NR1D2: variants seen among roughly 807,000 people sequenced by gnomAD.
NR1D2 encodes the protein V-erbA-related protein 1-related.
A neutral mutation model predicts 52.2 loss-of-function variants in NR1D2; 25 were observed. The ratio of observed to expected loss-of-function variants is 0.48; its 90% CI spans 0.35 to 0.67. NR1D2 has a LOEUF of 0.67. Ranked by LOEUF, NR1D2 falls within the 30% of genes least tolerant of loss-of-function variation. The pLI is 0.01. For synonymous variants in NR1D2, 259 were observed against 230.1 expected (o/e 1.13, Z -1.14); for missense variants, 681 against 707.2 (o/e 0.96, Z 0.42).
intron 1 of NR1D2, among the ~76,000 whole-genome samples, chr3:23,952,725 CAAA>C (rs35053426): frequency 3.4e-5 from 4 of 118,506 alleles, no homozygotes; most frequent in Admixed American, 8.7e-5. Context: ...GACTCCATCT[CAAA>C]AAAAAAAAAA....
chr3:23,962,725 C>A, intron 5 of NR1D2, 120 bp downstream of exon 5: 1 of 931,922 alleles, frequency 1.1e-6, no homozygotes, highest in Non-Finnish European at 1.6e-6. Flanking sequence ...AATTTACAGA[C>A]TTAATTTTGT....
chr3:23,963,920 T>G (rs1358751488), intron 5 of NR1D2, among the ~76,000 whole-genome samples: 1 of 7,874 alleles, frequency 1.3e-4, no homozygotes, highest in African/African-American at 2.5e-3. Context: ...CTTTTTGGTG[T>G]TTTTTTTTTT....
At chr3:23,952,557 A>AT (rs1705964481) in intron 1 of NR1D2, among the ~76,000 whole-genome samples, 1 of 151,706 alleles carries the variant, frequency 6.6e-6, no homozygotes, top group Non-Finnish European at 1.5e-5. Context: ...TAAAAAAAAA[A>AT]CAAAAACCAA....
chr3:23,971,660 CTT>C (rs933057258), intron 7 of NR1D2, among the ~76,000 whole-genome samples: 2 of 151,634 alleles, frequency 1.3e-5, no homozygotes, highest in African/African-American at 4.8e-5. Flanking sequence ...TTTTAATTTA[CTT>C]TAATGGTTTT....
chr3:23,958,265 C>T (rs3935253), intron 3 of NR1D2, among the ~76,000 whole-genome samples: 19,667 of 152,186 alleles, frequency 0.13, 1,788 homozygotes, highest in African/African-American at 0.24. Flanking sequence ...GGTAATGATC[C>T]TGGAAAGACC....
chr3:23,962,326 G>C lies in NR1D2; in HGVS notation c.867G>C (p.Lys289Asn), dbSNP rs1388074523. The C allele has an allele frequency of 1.2e-6, 2 of 1,614,172 alleles. No individual in the cohort carries two copies. The highest frequency in any genetic ancestry group is 8.5e-7 in the Non-Finnish European group (1 of 1,180,030). The part of the protein sequence containing the change: ...MQPQRGERIP[K>N]NMEQYNLNHD... The stretch of plus-strand genomic sequence containing the variant: ...CCCAGAGAGGAGAACGGATTCCCAA[G>C]AACATGGAGCAATATAATTTAAATC... The change falls in exon 5 of 8, where the codon AAG becomes AAC. Residue 289 changes from lysine to asparagine, a missense_variant. Lys to Asn is a moderately conservative substitution (Grantham distance 94). Transcript: ENST00000312521.
chr3:23,948,892 C>G (rs1705850502), intron 1 of NR1D2, among the ~76,000 whole-genome samples: 2 of 152,122 alleles, frequency 1.3e-5, no homozygotes. Context: ...GATCCCCACT[C>G]AATTTGCAGT....
chr3:23,951,311 A>G (rs769579220), intron 1 of NR1D2, among the ~76,000 whole-genome samples: 5 of 152,196 alleles, frequency 3.3e-5, no homozygotes, highest in Non-Finnish European at 7.3e-5. Context: ...TCCAAGGAAA[A>G]ACATCACTTT....
At chr3:23,966,432 C>T (rs574566667) in intron 6 of NR1D2, among the ~76,000 whole-genome samples, 1 of 152,342 alleles carries the variant, frequency 6.6e-6, no homozygotes, top group East Asian at 1.9e-4. Flanking sequence ...ACTTCATCTG[C>T]TTCCTTTGCC....
chr3:23,954,488 A>G, intron 1 of NR1D2, 49 bp from the exon 2 acceptor site: 2 of 1,506,776 alleles, frequency 1.3e-6, no homozygotes, highest in Non-Finnish European at 1.8e-6. Context: ...AAAATAAAAA[A>G]TACGTATTAT....
intron 7 of NR1D2, among the ~76,000 whole-genome samples, chr3:23,974,131 C>T (rs1046063565): frequency 9.2e-6 from 1 of 108,420 alleles, no homozygotes. Context: ...AAGGGACGGG[C>T]GAGGTGGCTC....
chr3:23,965,235 CTTTTTTT>C (rs371267256), intron 6 of NR1D2, 73 bp downstream of exon 6: 31 of 309,262 alleles, frequency 1.0e-4, no homozygotes, highest in African/African-American at 1.5e-4. Flanking sequence ...TGTTTTAATT[CTTTTTTT>C]TTTTTTTTTT....
intron 1 of NR1D2, among the ~76,000 whole-genome samples, chr3:23,949,930 A>G (rs553307653): frequency 2.8e-4 from 43 of 152,320 alleles, no homozygotes; most frequent in African/African-American, 1.0e-3. Context: ...ACAAAATTGG[A>G]TATTGACTTA....
intron 7 of NR1D2, among the ~76,000 whole-genome samples, chr3:23,974,054 C>T (rs1706657098): frequency 7.0e-6 from 1 of 143,818 alleles, no homozygotes; most frequent in African/African-American, 2.6e-5. Context: ...GGAATATCTC[C>T]TGAAGGACCT....
At chr3:23,946,208 G>A (rs1705698347) in intron 1 of NR1D2, 1 of 985,310 alleles carries the variant, frequency 1.0e-6, no homozygotes, top group African/African-American at 1.7e-5. Context: ...CCCGAAGCGG[G>A]CGCTGACACC....
chr3:23,970,573 C>G (rs1268780075), intron 7 of NR1D2, among the ~76,000 whole-genome samples: 2 of 152,056 alleles, frequency 1.3e-5, no homozygotes, highest in Non-Finnish European at 2.9e-5. Flanking sequence ...ATCCATCTAT[C>G]CATTTACCTG....
intron 1 of NR1D2, among the ~76,000 whole-genome samples, chr3:23,952,658 G>T (rs1490463405): frequency 6.6e-6 from 1 of 151,744 alleles, no homozygotes; most frequent in South Asian, 2.1e-4. Context: ...CCCGGGAGGC[G>T]GAGGTTGCAG....
intron 3 of NR1D2, 132 bp downstream of exon 3, chr3:23,956,257 T>C (rs1037550212): frequency 7.5e-6 from 5 of 667,520 alleles, no homozygotes; most frequent in Non-Finnish European, 1.4e-5. Context: ...GTTTTAAGCA[T>C]TTTATGTAGT....
chr3:23,946,451 C>G, intron 1 of NR1D2: 1 of 266,866 alleles, frequency 3.7e-6, no homozygotes, highest in Non-Finnish European at 5.8e-6. Context: ...CGATCCCGAG[C>G]GACTCCCCGC....
Sources: gnomAD v4.1 joint callset for allele counts (sites outside exome capture counted in the v4.1 genomes callset) on GRCh38, gnomAD v4.1.1 for gene constraint, MANE v1.5 for transcripts, NCBI Gene and HGNC (gene_info 2026-07-23, HGNC 2026-07-21) for gene names.